CSF1: variants seen among roughly 807,000 people sequenced by gnomAD.
CSF1 encodes macrophage colony-stimulating factor 1.
In CSF1, 9 loss-of-function variants were observed where a neutral mutation model predicts 48.9. That is an observed-to-expected ratio of 0.18 (90% CI 0.11 to 0.32). The LOEUF (loss-of-function observed/expected upper bound fraction) is 0.32, where lower values mean the gene tolerates loss of function less well. Among genes scored for constraint, CSF1 ranks in the 10% least tolerant of loss-of-function variants. CSF1 has a pLI of 1.00. For synonymous variants in CSF1, 305 were observed against 284.1 expected, an observed-to-expected ratio of 1.07 and a Z score of -0.74; for missense variants, 672 against 697.9, an observed-to-expected ratio of 0.96 and a Z score of 0.42.
At chr1:109,915,386 G>A (rs1352256826) in intron 2 of CSF1, among the ~76,000 whole-genome samples, 2 of 152,096 alleles carry the variant, frequency 1.3e-5, no homozygotes, top group African/African-American at 4.8e-5. Context: ...AAACAAATGG[G>A]CATTTGTCAG....
intron 1 of CSF1, among the ~76,000 whole-genome samples, chr1:109,912,647 A>G (rs1199356805): frequency 1.3e-5 from 2 of 152,142 alleles, no homozygotes; most frequent in Non-Finnish European, 2.9e-5. Context: ...CATTGCTCCC[A>G]CCTTGCTCTC....
chr1:109,925,314 C>T (rs749175569), intron 8 of CSF1, 112 bp downstream of exon 8: 16 of 862,516 alleles, frequency 1.9e-5, no homozygotes, highest in Non-Finnish European at 2.5e-5. Flanking sequence ...GACTCCCATG[C>T]CTCTCTCCAG....
At chr1:109,927,483 C>G (rs1328098966) in intron 8 of CSF1, among the ~76,000 whole-genome samples, 1 of 152,188 alleles carries the variant, frequency 6.6e-6, no homozygotes, top group Non-Finnish European at 1.5e-5. Context: ...GCCACAACAC[C>G]CTTCCCACGG....
rs376601196 is a variant in CSF1, at chr1:109,915,561, C to T, written c.163-73C>T. ...CAATCCACTCAGAAGCTAAGGTCCC[C>T]GTTTTGAAGAAGGCTGAAGGCTGAG... On this transcript the variant is annotated intron_variant, in intron 2 of 8. Transcript: ENST00000329608. 227 of 1,304,130 alleles carry T rather than the reference C, an allele frequency of 1.7e-4. 2 individuals are homozygous for T. In the African/African-American group the frequency reaches 2.8e-3, roughly 16 times the overall value. 80.8% of individuals were successfully genotyped at this position (1,304,130 alleles called of 1,614,324 possible).
rs149031792 is a variant in CSF1, at chr1:109,924,811, G to A, written c.1605G>A (p.Leu535=). 9.7e-4 allele frequency: 1,559 copies of A among 1,604,848 alleles called. No individual in the cohort carries two copies. Among genetic ancestry groups the A allele is most frequent in the Non-Finnish European group, 1.3e-3 (1,477 of 1,175,712 alleles). The stretch of plus-strand genomic sequence containing the variant: ...AGCCTCAGAGAGCGGATTCTCCCTT[G>A]GAGCAACCAGAGGGCAGGTGAGAGC... ...HQEPQRADSP[L]EQPEGSPLTQ... The change falls in exon 7 of 9, where the codon TTG becomes TTA. Residue 535 remains leucine (L), a synonymous_variant. Coordinates refer to ENST00000329608, the MANE Select transcript of CSF1 (RefSeq NM_000757.6).
chr1:109,914,174 G>T, intron 1 of CSF1, 85 bp from the exon 2 acceptor site: 4 of 1,412,620 alleles, frequency 2.8e-6, no homozygotes, highest in Non-Finnish European at 3.8e-6. Flanking sequence ...TAGATATGAG[G>T]CCTTTGTTTT....
chr1:109,922,590 T>A (rs1379122652), intron 5 of CSF1: 1 of 154,162 alleles, frequency 6.5e-6, no homozygotes. Flanking sequence ...ACACGTGCCC[T>A]CCTACATTCA....
In CSF1 at chr1:109,923,948, A is replaced by AGGAGGAGCACCAGGGATC; in HGVS notation, c.1336_1353dup (p.Thr446_Ser451dup). On this transcript the variant is annotated inframe_insertion, in exon 6 of 9. Transcript: ENST00000329608. ...GCTGCCCCTTGGGGAGCTGGAGGGC[A>AGGAGGAGCACCAGGGATC]GGAGGAGCACCAGGGATCGGAGGAG... The AGGAGGAGCACCAGGGATC allele has an allele frequency of 6.2e-7, 1 of 1,614,174 alleles. No individual in the cohort carries two copies. Among genetic ancestry groups the AGGAGGAGCACCAGGGATC allele is most frequent in the Non-Finnish European group, 8.5e-7 (1 of 1,179,986 alleles).
At chr1:109,912,342 G>GT (rs1292198577) in intron 1 of CSF1, among the ~76,000 whole-genome samples, 1 of 152,106 alleles carries the variant, frequency 6.6e-6, no homozygotes, top group Non-Finnish European at 1.5e-5. Flanking sequence ...GGACTGAGGT[G>GT]TCCTAGCATC....
rs891199424 is a variant in CSF1, at chr1:109,930,569, G to A, written c.*1731G>A. 8 of 152,196 alleles carry A rather than the reference G, an allele frequency of 5.3e-5. No individual in the cohort carries two copies. Among genetic ancestry groups the A allele is most frequent in the African/African-American group, 1.9e-4 (8 of 41,454 alleles). The allele number at this position is 152,196 out of a possible 1,614,324, so 9.4% of individuals were successfully genotyped here. ...TCCTGATGCCGACAGCTTAGGGAAG[G>A]GCAGTGAACTTGCATATGGGGCTTA... is the stretch of plus-strand genomic sequence containing the variant. On this transcript the variant is annotated 3_prime_UTR_variant, in exon 9 of 9. Coordinates refer to ENST00000329608, the MANE Select transcript of CSF1 (RefSeq NM_000757.6).
At chr1:109,923,040 G>A (rs1210501069) in intron 5 of CSF1, 126 bp from the exon 6 acceptor site, 1 of 897,352 alleles carries the variant, frequency 1.1e-6, no homozygotes, top group Non-Finnish European at 1.7e-6. Flanking sequence ...CCAGGGCTGA[G>A]CTAGGAGATG....
At position 109,912,362 on chromosome 1, in the gene CSF1, GC is replaced by G. The variant is rs564192602; in HGVS notation, c.39+1301del. ...GAGGTGTCCTAGCATCTCTGAGCCT[GC>G]AGCAGAGATTCCTTCTGAGGGCTGC... On this transcript the variant is annotated intron_variant, in intron 1 of 8. Transcript: ENST00000329608. Among the ~76,000 whole-genome samples the G allele has an allele frequency of 3.5e-3, 530 of 152,270 alleles. 7 individuals carry two copies. The South Asian group carries it at 0.045, about 13-fold the overall frequency.
chr1:109,916,130 C>A (rs1017500395), intron 3 of CSF1, among the ~76,000 whole-genome samples: 3 of 152,140 alleles, frequency 2.0e-5, no homozygotes, highest in Admixed American at 6.5e-5. Context: ...GGCCAACCAG[C>A]AGGCAGGTAG....
At position 109,915,685 on chromosome 1, in the gene CSF1, C is replaced by A; in HGVS notation, c.214C>A (p.Gln72Lys). 6.2e-7 allele frequency: 1 copy of A among 1,613,584 alleles called. No homozygotes were observed. The highest frequency in any genetic ancestry group is 8.5e-7 in the Non-Finnish European group (1 of 1,179,536). ...CCAAATTACATTTGAGTTTGTAGAC[C>A]AGGAACAGTTGGTGAGTGATGGCTT... ...SCQITFEFVD[Q>K]EQLKDPVCYL... The change falls in exon 3 of 9, where the codon CAG becomes AAG. Residue 72 changes from glutamine to lysine, a missense_variant. Coordinates refer to ENST00000329608, the MANE Select transcript of CSF1 (RefSeq NM_000757.6).
At position 109,923,748 on chromosome 1, in the gene CSF1, C is replaced by T. The variant is rs765152977; in HGVS notation, c.1127C>T (p.Thr376Ile). The T allele has an allele frequency of 6.2e-7, 1 of 1,609,590 alleles. No homozygotes were observed. The highest frequency in any genetic ancestry group is 1.1e-5 in the South Asian group (1 of 90,456). Residue 376 changes from threonine (T) to isoleucine (I), a missense_variant, in exon 6 of 9, where the codon ACT becomes ATT. Physicochemically the swap from Thr to Ile is moderately conservative, Grantham distance 89. Around this residue, in one of 3 missense-constraint regions of CSF1, gnomAD observed 591 missense variants for 593.6 expected, o/e 1.00. Transcript: ENST00000329608. Reference sequence around the variant, plus strand: ...CCCAGGGTGGGCCCCGTGAGGCCCACTGGCCAGGACTGGAATCACACCCCC... The same window carrying T: ...CCCAGGGTGGGCCCCGTGAGGCCCATTGGCCAGGACTGGAATCACACCCCC... ...ALPRVGPVRP[T>I]GQDWNHTPQK...
At chr1:109,925,273 G>A in intron 8 of CSF1, 71 bp downstream of exon 8, 1 of 1,336,140 alleles carries the variant, frequency 7.5e-7, no homozygotes, top group Non-Finnish European at 1.1e-6. Context: ...TCACCTGTTG[G>A]TGACACCAAT....
rs537054464 is a variant in CSF1, at chr1:109,916,296, T to A, written c.225+600T>A. Among the ~76,000 whole-genome samples the A allele has an allele frequency of 8.9e-4, 136 of 152,288 alleles. 1 individual carries two copies. The highest frequency in any genetic ancestry group is 3.2e-3 in the African/African-American group (131 of 41,546). ...TTTCAAGAGCCTCCTAACTGGTGTC[T>A]CCCTGCTTTCTAGTTCACTCCTCAT... On this transcript the variant is annotated intron_variant, in intron 3 of 8. Coordinates refer to ENST00000329608, the MANE Select transcript of CSF1 (RefSeq NM_000757.6).
rs1654876843 is a variant in CSF1, at chr1:109,915,809, G to A, written c.225+113G>A. On this transcript the variant is annotated intron_variant, in intron 3 of 8. Transcript: ENST00000329608. Reference sequence around the variant, plus strand: ...ATGCCTACTGCTGGAAAGGGTGAGAGTGTGAGGATCCATGGGTGCTCAACT... The same window carrying A: ...ATGCCTACTGCTGGAAAGGGTGAGAATGTGAGGATCCATGGGTGCTCAACT... 6 of 915,526 alleles carry A rather than the reference G, an allele frequency of 6.6e-6. 1 individual carries two copies. The Admixed American group carries it at 1.1e-4, about 16-fold the overall frequency. The allele number at this position is 915,526 out of a possible 1,614,324, so 56.7% of individuals were successfully genotyped here.
intron 3 of CSF1, among the ~76,000 whole-genome samples, chr1:109,916,894 G>C (rs1449679751): frequency 6.6e-6 from 1 of 152,112 alleles, no homozygotes; most frequent in African/African-American, 2.4e-5. Flanking sequence ...ATAGTCTTCA[G>C]CACCCCTATG....
Sources: allele counts gnomAD v4.1 joint callset (sites outside exome capture counted in the v4.1 genomes callset), GRCh38; gene constraint gnomAD v4.1.1; regional missense constraint gnomAD v4.1.1; transcripts MANE v1.5; gene names NCBI Gene and HGNC (gene_info 2026-07-23, HGNC 2026-07-21).